EIF4G3: variants seen among roughly 807,000 people sequenced by gnomAD.
The protein encoded by EIF4G3 is eukaryotic translation initiation factor 4 gamma 3, also known as eIF-4-gamma 3.
Under a neutral mutation model 186.4 loss-of-function variants are expected in EIF4G3, and 34 were observed. The observed-to-expected ratio is 0.18, with a 90% CI of 0.14 to 0.24. The LOEUF (loss-of-function observed/expected upper bound fraction) is 0.24, where lower values mean the gene tolerates loss of function less well. EIF4G3 is among the 10% of genes least tolerant of loss of function. The probability of loss-of-function intolerance (pLI) is 1.00; values close to 1 mark genes in which losing one functional copy is unlikely to be tolerated. For synonymous variants in EIF4G3, 673 were observed against 679.5 expected, an observed-to-expected ratio of 0.99 and a Z score of 0.15; for missense variants, 1,536 against 1,948.5, an observed-to-expected ratio of 0.79 and a Z score of 3.99.
intron 14 of EIF4G3, among the ~76,000 whole-genome samples, chr1:20,932,043 A>G (rs553072593): frequency 6.6e-6 from 1 of 152,290 alleles, no homozygotes; most frequent in East Asian, 1.9e-4. Flanking sequence ...GGTAGCCACT[A>G]TCATCAATTA....
At chr1:21,035,058 G>C (rs1351338536) in intron 4 of EIF4G3, among the ~76,000 whole-genome samples, 1 of 152,030 alleles carries the variant, frequency 6.6e-6, no homozygotes, top group Non-Finnish European at 1.5e-5. Context: ...AGCAGGAGTG[G>C]CTGTAGGAGC....
intron 20 of EIF4G3, among the ~76,000 whole-genome samples, chr1:20,867,964 G>C (rs947798394): frequency 6.6e-6 from 1 of 152,112 alleles, no homozygotes; most frequent in Admixed American, 6.5e-5. Flanking sequence ...TAGCTATACA[G>C]CTCCTTGAAG....
At chr1:20,915,105 A>C (rs2154558802) in intron 14 of EIF4G3, among the ~76,000 whole-genome samples, 1 of 152,300 alleles carries the variant, frequency 6.6e-6, no homozygotes, top group East Asian at 1.9e-4. Context: ...AATTCTAAGC[A>C]TGTCAGTTGT....
chr1:20,993,293 T>C (rs993901917), intron 7 of EIF4G3, among the ~76,000 whole-genome samples: 3 of 152,172 alleles, frequency 2.0e-5, no homozygotes, highest in African/African-American at 7.2e-5. Flanking sequence ...TTCCAAGGAA[T>C]ACACTCAAAG....
rs575422693 is a variant in EIF4G3, at chr1:20,991,607, A to G, written c.177+5994T>C. ...AGAAAAAATTCAGTTCTTTAGCTGC[A>G]TTAGCCACATTTAAAGTGCTCTATA... is the stretch of plus-strand genomic sequence containing the variant. On this transcript the variant is annotated intron_variant, in intron 7 of 36. Coordinates refer to ENST00000602326, the MANE Select transcript of EIF4G3 (RefSeq NM_001391906.1). 9.2e-5 allele frequency among the ~76,000 whole-genome samples: 14 copies of G among 152,166 alleles called. No homozygotes were observed. The East Asian group carries it at 2.5e-3, about 27-fold the overall frequency.
intron 1 of EIF4G3, 105 bp from the exon 2 acceptor site, chr1:21,176,463 G>GGGGGCGGGATGGGGGCAGCGT (rs2098109809): frequency 5.4e-6 from 1 of 183,736 alleles, no homozygotes; most frequent in Non-Finnish European, 1.1e-5. Flanking sequence ...GGGGGCAGCG[G>GGGGGCGGGATGGGGGCAGCGT]GGGGGCGGGA....
chr1:21,083,950 CTT>C (rs1308546415), intron 3 of EIF4G3, among the ~76,000 whole-genome samples: 1 of 152,128 alleles, frequency 6.6e-6, no homozygotes, highest in Non-Finnish European at 1.5e-5. Flanking sequence ...CACCTTTACT[CTT>C]TTCTCTCACA....
intron 19 of EIF4G3, among the ~76,000 whole-genome samples, chr1:20,882,192 CACACACA>C (rs2082562752): frequency 6.6e-6 from 1 of 151,570 alleles, no homozygotes; most frequent in South Asian, 2.1e-4. Flanking sequence ...CACACACACA[CACACACA>C]CACACACACA....
chr1:20,911,197 G>A (rs755580492), intron 14 of EIF4G3, among the ~76,000 whole-genome samples: 2 of 152,026 alleles, frequency 1.3e-5, no homozygotes, highest in African/African-American at 2.4e-5. Flanking sequence ...GAGAACTTAC[G>A]GAGTTCATAG....
intron 4 of EIF4G3, among the ~76,000 whole-genome samples, chr1:21,044,795 G>A (rs2154575717): frequency 6.6e-6 from 1 of 152,074 alleles, no homozygotes; most frequent in East Asian, 1.9e-4. Flanking sequence ...CTACAAGTGT[G>A]TGCCATCACA....
rs191155867 is a variant in EIF4G3 at position 20,987,162 on chromosome 1, A to G, written c.178-4754T>C. Among the ~76,000 whole-genome samples, 9 of 152,350 alleles carry G rather than the reference A, an allele frequency of 5.9e-5. No individual in the cohort carries two copies. In the East Asian group the frequency reaches 1.2e-3, roughly 20 times the overall value. ...AAAGCTTCCTCATCAAAAACGTCTA[A>G]CAAATGGTGTTTGAACGTGCTGGCA... is the stretch of plus-strand genomic sequence containing the variant. On this transcript the variant is annotated intron_variant, in intron 7 of 36. Transcript: ENST00000602326.
At chr1:20,900,714 C>G (rs1398150096) in intron 15 of EIF4G3, among the ~76,000 whole-genome samples, 1 of 152,126 alleles carries the variant, frequency 6.6e-6, no homozygotes, top group African/African-American at 2.4e-5. Context: ...TCTCTGTGAA[C>G]TCTTTTCACG....
chr1:21,101,554 G>C, intron 2 of EIF4G3, among the ~76,000 whole-genome samples: 1 of 4,078 alleles, frequency 2.5e-4, no homozygotes, highest in South Asian at 0.031. Flanking sequence ...TGGGCAACAG[G>C]GTCTCAGGAA....
At chr1:20,940,016 G>A (rs2095657776) in intron 14 of EIF4G3, among the ~76,000 whole-genome samples, 1 of 151,826 alleles carries the variant, frequency 6.6e-6, no homozygotes, top group African/African-American at 2.4e-5. Flanking sequence ...TGCCATGCCT[G>A]GCTATTTTTT....
intron 3 of EIF4G3, among the ~76,000 whole-genome samples, chr1:21,065,429 G>C (rs1275549545): frequency 6.6e-6 from 1 of 151,316 alleles, no homozygotes; most frequent in African/African-American, 2.4e-5. Flanking sequence ...TAGCATGGTG[G>C]TGTGCACTTG....
intron 3 of EIF4G3, among the ~76,000 whole-genome samples, chr1:21,078,385 G>A (rs898596103): frequency 2.6e-5 from 4 of 151,768 alleles, no homozygotes; most frequent in Non-Finnish European, 5.9e-5. Context: ...CTCCTATGTG[G>A]GAGTTAAAAA....
intron 32 of EIF4G3, among the ~76,000 whole-genome samples, chr1:20,825,803 T>G (rs2063465277): frequency 6.6e-6 from 1 of 152,224 alleles, no homozygotes; most frequent in Non-Finnish European, 1.5e-5. Flanking sequence ...AAGCAGTTGT[T>G]GCTCCTGAAC....
chr1:20,857,306 C>T (rs1242067621), intron 25 of EIF4G3, 97 bp downstream of exon 25: 8 of 1,003,848 alleles, frequency 8.0e-6, no homozygotes, highest in Admixed American at 1.9e-5. Context: ...TTTTGAGACA[C>T]GTTTTGCAAC....
intron 33 of EIF4G3, among the ~76,000 whole-genome samples, chr1:20,822,746 T>C (rs757763295): frequency 6.6e-5 from 10 of 152,096 alleles, no homozygotes; most frequent in African/African-American, 9.7e-5. Flanking sequence ...TTCTTTAAGG[T>C]TGAAGCTGAG....
Sources: gnomAD v4.1 joint callset for allele counts (sites outside exome capture counted in the v4.1 genomes callset) on GRCh38, gnomAD v4.1.1 for gene constraint, MANE v1.5 for transcripts, NCBI Gene and HGNC (gene_info 2026-07-23, HGNC 2026-07-21) for gene names.